Variants in ZPBP observed in about 807,000 individuals in gnomAD.
ZPBP encodes zona pellucida binding protein.
In ZPBP, 26 loss-of-function variants were observed where a neutral mutation model predicts 44.8. That is an observed-to-expected ratio of 0.58 (90% CI 0.43 to 0.81). ZPBP has a LOEUF of 0.81. Among genes scored for constraint, ZPBP ranks in the 30% least tolerant of loss-of-function variants. The probability of loss-of-function intolerance (pLI) is 0.00; values close to 1 mark genes in which losing one functional copy is unlikely to be tolerated. For missense variants in ZPBP, 409 were observed against 434.0 expected (o/e 0.94, Z 0.51); for synonymous variants, 174 against 153.2 (o/e 1.14, Z -1.00).
intron 5 of ZPBP, among the ~76,000 whole-genome samples, chr7:50,025,454 G>A (rs1799279979): frequency 6.6e-6 from 1 of 151,652 alleles, no homozygotes; most frequent in African/African-American, 2.4e-5. Context: ...CAATGTAAGT[G>A]AACAGAAATC....
chr7:50,035,864 T>A (rs905758759), intron 4 of ZPBP, among the ~76,000 whole-genome samples: 1 of 152,054 alleles, frequency 6.6e-6, no homozygotes, highest in Non-Finnish European at 1.5e-5. Context: ...CAGGAAATTA[T>A]AAAACAAAAA....
intron 2 of ZPBP, among the ~76,000 whole-genome samples, chr7:49,879,026 T>C (rs989170426): frequency 4.6e-5 from 7 of 152,188 alleles, no homozygotes; most frequent in African/African-American, 1.4e-4. Flanking sequence ...TCTTAAATTT[T>C]TGTCTCTTTG....
At chr7:50,033,913 G>A (rs1383451340) in intron 4 of ZPBP, among the ~76,000 whole-genome samples, 1 of 151,828 alleles carries the variant, frequency 6.6e-6, no homozygotes, top group African/African-American at 2.4e-5. Context: ...GTCTGGTCTC[G>A]AACTCCTGAC....
chr7:49,997,588 C>T (rs1580401), intron 6 of ZPBP, among the ~76,000 whole-genome samples: 44,102 of 152,022 alleles, frequency 0.29, 7,068 homozygotes, highest in Non-Finnish European at 0.37. Context: ...TGTTTCCTGA[C>T]GAAAATCAGC....
intron 6 of ZPBP, among the ~76,000 whole-genome samples, chr7:50,008,661 AAGAC>A (rs1304671861): frequency 1.3e-5 from 2 of 152,100 alleles, no homozygotes; most frequent in Non-Finnish European, 2.9e-5. Flanking sequence ...TACTGGCATA[AAGAC>A]AGACAAACAG....
intron 1 of ZPBP, among the ~76,000 whole-genome samples, chr7:49,911,069 T>G (rs1368205213): frequency 6.6e-6 from 1 of 152,206 alleles, no homozygotes; most frequent in Non-Finnish European, 1.5e-5. Context: ...AGAGGACTGG[T>G]TCTTTGAAGG....
At chr7:49,952,671 A>G (rs1030808925) in intron 7 of ZPBP, among the ~76,000 whole-genome samples, 2 of 152,030 alleles carry the variant, frequency 1.3e-5, no homozygotes, top group Non-Finnish European at 2.9e-5. Flanking sequence ...GCAATGGTTT[A>G]CTAGACATAA....
At position 50,061,146 on chromosome 7, in the gene ZPBP, T is replaced by C. The variant is rs535738475; in HGVS notation, c.335-3005A>G. On this transcript the variant is annotated intron_variant, in intron 3 of 7. Coordinates refer to ENST00000046087, the MANE Select transcript of ZPBP (RefSeq NM_007009.3). ...TTAAAAACCCTCAATAAACTGGGCA[T>C]CAAAGGAACATACCTCAACATAATA... is the stretch of plus-strand genomic sequence containing the variant. Among the ~76,000 whole-genome samples, 321 of 152,258 alleles carry C rather than the reference T, an allele frequency of 2.1e-3. 3 individuals are homozygous for C. Among genetic ancestry groups the C allele is most frequent in the African/African-American group, 7.4e-3 (306 of 41,564 alleles).
rs1057363027 is a variant in ZPBP, at chr7:50,058,171, C to T, written c.335-30G>A. The T allele has an allele frequency of 3.1e-6, 5 of 1,611,670 alleles. No individual in the cohort carries two copies. The African/African-American group carries it at 5.3e-5, about 17-fold the overall frequency. Reference sequence around the variant, plus strand: ...AGGAATAAGATACAGTTACGAGTTGCTTAAATTACATGAGACAAGTACCAA... The same window carrying T: ...AGGAATAAGATACAGTTACGAGTTGTTTAAATTACATGAGACAAGTACCAA... On this transcript the variant is annotated intron_variant, in intron 3 of 7. Transcript: ENST00000046087.
chr7:50,083,829 A>C (rs1802495843), intron 2 of ZPBP, among the ~76,000 whole-genome samples: 1 of 152,018 alleles, frequency 6.6e-6, no homozygotes. Context: ...TATAAAAATA[A>C]ATTCCAGGTA....
intron 4 of ZPBP, among the ~76,000 whole-genome samples, chr7:50,036,956 C>A (rs1365401014): frequency 1.3e-5 from 2 of 151,532 alleles, no homozygotes; most frequent in Non-Finnish European, 2.9e-5. Flanking sequence ...AAGAAAACAT[C>A]AAAAAATGTA....
intron 7 of ZPBP, among the ~76,000 whole-genome samples, chr7:49,982,256 A>G (rs1223919817): frequency 1.8e-5 from 2 of 109,750 alleles, no homozygotes; most frequent in Non-Finnish European, 3.4e-5. Flanking sequence ...TTATATATTT[A>G]TATTATATAT....
intron 3 of ZPBP, among the ~76,000 whole-genome samples, chr7:50,066,038 C>T (rs1005169272): frequency 7.9e-5 from 12 of 151,056 alleles, no homozygotes; most frequent in Non-Finnish European, 1.8e-4. Context: ...GCTGTGTTAG[C>T]GTATTCCACT....
At chr7:49,970,874 A>ATAAATAAT (rs1196590178) in intron 7 of ZPBP, among the ~76,000 whole-genome samples, 3 of 150,322 alleles carry the variant, frequency 2.0e-5, no homozygotes, top group Admixed American at 1.3e-4. Flanking sequence ...AAATAAATAA[A>ATAAATAAT]TAAATAAATA....
At chr7:49,928,822 C>T (rs1271781964) in intron 1 of ZPBP, among the ~76,000 whole-genome samples, 1 of 152,176 alleles carries the variant, frequency 6.6e-6, no homozygotes, top group Non-Finnish European at 1.5e-5. Context: ...GCTCAGATTA[C>T]ATAGTAACTT....
intron 6 of ZPBP, among the ~76,000 whole-genome samples, chr7:50,012,103 A>T (rs1398096020): frequency 2.0e-5 from 3 of 151,984 alleles, no homozygotes; most frequent in African/African-American, 7.2e-5. Context: ...ACCACTCAAC[A>T]TATCAGAAAA....
chr7:50,063,132 C>G (rs1368387788), intron 3 of ZPBP, among the ~76,000 whole-genome samples: 1 of 152,176 alleles, frequency 6.6e-6, no homozygotes, highest in East Asian at 1.9e-4. Context: ...GGTGACCTTG[C>G]AGCTGCACAG....
chr7:50,061,623 T>A (rs1276895542), intron 3 of ZPBP, among the ~76,000 whole-genome samples: 4 of 152,180 alleles, frequency 2.6e-5, no homozygotes, highest in African/African-American at 9.7e-5. Context: ...TTTAATGATT[T>A]CTCCTGGCTA....
chr7:50,081,838 C>T lies in ZPBP; in HGVS notation c.270G>A (p.Leu90=). 3 of 1,611,608 alleles carry T rather than the reference C, an allele frequency of 1.9e-6. No homozygotes were observed. The South Asian group carries it at 3.3e-5, about 18-fold the overall frequency. Residue 90 remains leucine (L), a synonymous_variant, in exon 3 of 8, where the codon CTG becomes CTA. Transcript: ENST00000046087. ...SPHVLCVTQQ[L]RNAELIDPSF... is the part of the protein sequence containing the mutation. ...ATGGGTCTATCAGTTCAGCATTTCG[C>T]AGTTGTTGCGTTACACATAACACGT... is the stretch of plus-strand genomic sequence containing the variant.
Sources: allele counts gnomAD v4.1 joint callset (sites outside exome capture counted in the v4.1 genomes callset), GRCh38; gene constraint gnomAD v4.1.1; transcripts MANE v1.5; gene names NCBI Gene and HGNC (gene_info 2026-07-23, HGNC 2026-07-21).